FBN2: variants seen among roughly 807,000 people sequenced by gnomAD.
FBN2 encodes fibrillin 2.
A neutral mutation model predicts 355.6 loss-of-function variants in FBN2; 105 were observed. That is an observed-to-expected ratio of 0.30 (90% CI 0.25 to 0.35). The LOEUF (loss-of-function observed/expected upper bound fraction) is 0.35. Among genes scored for constraint, FBN2 ranks in the 10% least tolerant of loss-of-function variants. FBN2 has a pLI of 1.00. For synonymous variants in FBN2, 1,350 were observed against 1,301.2 expected (o/e 1.04, Z -0.81); for missense variants, 3,280 against 3,758.7 (o/e 0.87, Z 3.33).
intron 34 of FBN2, among the ~76,000 whole-genome samples, chr5:128,325,606 G>T (rs1023809822): frequency 1.3e-5 from 2 of 152,090 alleles, no homozygotes; most frequent in Admixed American, 6.5e-5. Flanking sequence ...TTACAATTTA[G>T]GCTTTGTATA....
chr5:128,407,054 T>G (rs2126997804), intron 8 of FBN2, among the ~76,000 whole-genome samples: 1 of 152,318 alleles, frequency 6.6e-6, no homozygotes, highest in South Asian at 2.1e-4. Context: ...ACAGACATCT[T>G]ACTTCTCAAA....
rs781435203 is a variant in FBN2, at chr5:128,291,651, A to G, written c.6170T>C (p.Ile2057Thr). 1.9e-6 allele frequency: 3 copies of G among 1,613,480 alleles called. No individual in the cohort carries two copies. Among genetic ancestry groups the G allele is most frequent in the South Asian group, 2.2e-5 (2 of 91,062 alleles). The change falls in exon 49 of 65, where the codon ATA becomes ACA. Residue 2057 changes from isoleucine to threonine, a missense_variant. By Grantham distance (89) the Ile-to-Thr change is moderately conservative (BLOSUM62 -1). Coordinates refer to ENST00000262464, the MANE Select transcript of FBN2 (RefSeq NM_001999.4). ...YEVKSENCIDINECDEDPNIC... is the reference protein window; with the variant it reads ...YEVKSENCIDTNECDEDPNIC... ...GTTGGGATCTTCATCACATTCATTT[A>G]TATCTGCAGAACAGGGGGAGTATTT...
intron 11 of FBN2, among the ~76,000 whole-genome samples, chr5:128,386,506 C>G (rs150764675): frequency 6.6e-6 from 1 of 151,968 alleles, no homozygotes; most frequent in Non-Finnish European, 1.5e-5. Flanking sequence ...GCTATTCAGG[C>G]CATTTTTTTG....
intron 2 of FBN2, among the ~76,000 whole-genome samples, chr5:128,533,077 T>G (rs1756748630): frequency 6.6e-6 from 1 of 152,206 alleles, no homozygotes; most frequent in South Asian, 2.1e-4. Flanking sequence ...TGTCAAATAC[T>G]GTGATGTTAA....
Position 128,528,370 on chromosome 5 carries a change from C to T in FBN2, c.437-403G>A, listed in dbSNP as rs1029373461. 3.9e-5 allele frequency among the ~76,000 whole-genome samples: 6 copies of T among 152,096 alleles called. No homozygotes were observed. The East Asian group carries it at 5.8e-4, about 15-fold the overall frequency. On this transcript the variant is annotated intron_variant, in intron 3 of 64. Transcript: ENST00000262464. ...GAGCTTGAATTCCGATGGGGAGCTA[C>T]GGAAAACACAGGTAAACAAATACCA...
chr5:128,312,630 T>G lies in FBN2; in HGVS notation c.4879+4A>C. On this transcript the variant is annotated splice_donor_region_variant and intron_variant, in intron 37 of 64. Transcript: ENST00000262464. Reference sequence around the variant, plus strand: ...TTCTTCCTCTTCTTCAGCTTTGTACTTACTGCTATTGACAGGGGGGCATGT... The same window carrying G: ...TTCTTCCTCTTCTTCAGCTTTGTACGTACTGCTATTGACAGGGGGGCATGT... 1 of 1,614,124 alleles carries G rather than the reference T, an allele frequency of 6.2e-7. No individual in the cohort carries two copies. Among genetic ancestry groups the G allele is most frequent in the Non-Finnish European group, 8.5e-7 (1 of 1,180,006 alleles).
At chr5:128,261,958 A>G (rs1189291304) in intron 63 of FBN2, 51 bp from the exon 64 acceptor site, 2 of 1,492,042 alleles carry the variant, frequency 1.3e-6, no homozygotes, top group Middle Eastern at 1.7e-4. Flanking sequence ...ACTTGACCAT[A>G]GTTTTCCAGT....
rs573058862 is a variant in FBN2, at chr5:128,347,236, G to A, written c.2990-1652C>T. On this transcript the variant is annotated intron_variant, in intron 23 of 64. Transcript: ENST00000262464. ...ATTGGAATAAACTAGGGTGAGAGGG[G>A]AAAGGCATCTGAACTATGCATGTAA... Among the ~76,000 whole-genome samples the A allele has an allele frequency of 8.5e-5, 13 of 152,282 alleles. No homozygotes were observed. The South Asian group carries it at 2.7e-3, about 32-fold the overall frequency.
chr5:128,301,587 C>T, intron 46 of FBN2, 77 bp from the exon 47 acceptor site: 2 of 1,386,390 alleles, frequency 1.4e-6, no homozygotes, highest in Non-Finnish European at 2.0e-6. Context: ...TACTTAAAAA[C>T]ATACTTATTG....
chr5:128,350,818 C>CAGGAGAAGTTTCCA, intron 21 of FBN2, 50 bp downstream of exon 21: 2 of 1,607,306 alleles, frequency 1.2e-6, no homozygotes, highest in Non-Finnish European at 1.7e-6. Flanking sequence ...GTCCTAGTGG[C>CAGGAGAAGTTTCCA]AGGAGAAGTT....
rs1751647103 is a variant in FBN2 at position 128,361,821 on chromosome 5, A to C, written c.2456T>G (p.Leu819Arg). ...TCGGCACAATCCGTTATCACAAAGC[A>C]GTCTGTTTACTAAACATTCATCAAT... ...IDIDECLVNR[L>R]LCDNGLCRNT... is the part of the protein sequence containing the mutation. The change falls in exon 19 of 65, where the codon CTG becomes CGG. Residue 819 changes from leucine (L) to arginine (R), a missense_variant. By Grantham distance (102) the Leu-to-Arg change is moderately radical. Around this residue, in one of 6 missense-constraint regions of FBN2, gnomAD observed 2,284 missense variants for 2,749.5 expected, o/e 0.83. Coordinates refer to ENST00000262464, the MANE Select transcript of FBN2 (RefSeq NM_001999.4). 6.2e-7 allele frequency: 1 copy of C among 1,614,040 alleles called. No individual in the cohort carries two copies. Among genetic ancestry groups the C allele is most frequent in the Admixed American group, 1.7e-5 (1 of 60,006 alleles).
In FBN2 at chr5:128,310,414, T is replaced by A. The variant is rs1429861846; in HGVS notation, c.5075-306A>T. 9.7e-4 allele frequency among the ~76,000 whole-genome samples: 125 copies of A among 129,242 alleles called. 4 individuals are homozygous for A. Among genetic ancestry groups the A allele is most frequent in the South Asian group, 2.9e-3 (12 of 4,102 alleles). 84.8% of individuals were successfully genotyped at this position (129,242 alleles called of 152,430 possible). ...TATATATATATATATTTTTTTTTTTTTTTTTTTATTGCAATTCGCATTCTT... is the reference window on the plus strand; with the variant it reads ...TATATATATATATATTTTTTTTTTTATTTTTTTATTGCAATTCGCATTCTT... On this transcript the variant is annotated intron_variant, in intron 39 of 64. Transcript: ENST00000262464.
At chr5:128,379,475 C>A (rs1004613730) in intron 11 of FBN2, among the ~76,000 whole-genome samples, 2 of 151,878 alleles carry the variant, frequency 1.3e-5, no homozygotes, top group African/African-American at 4.8e-5. Flanking sequence ...AACATTTAAA[C>A]AAAGCCTATT....
intron 53 of FBN2, among the ~76,000 whole-genome samples, chr5:128,288,044 T>C (rs1022845489): frequency 6.6e-6 from 1 of 152,230 alleles, no homozygotes; most frequent in African/African-American, 2.4e-5. Context: ...CAGAGTTGAC[T>C]GTCTGCTAAG....
At chr5:128,449,904 T>G (rs1178931556) in intron 6 of FBN2, among the ~76,000 whole-genome samples, 2 of 152,110 alleles carry the variant, frequency 1.3e-5, no homozygotes, top group East Asian at 1.9e-4. Flanking sequence ...TAAGTAGTAC[T>G]CATCACGACA....
intron 7 of FBN2, among the ~76,000 whole-genome samples, chr5:128,423,335 T>C (rs1278151962): frequency 6.6e-6 from 1 of 152,140 alleles, no homozygotes; most frequent in African/African-American, 2.4e-5. Flanking sequence ...CAGTTCCACA[T>C]GGCTGGGGAG....
At chr5:128,378,240 T>C (rs1246687494) in intron 12 of FBN2, among the ~76,000 whole-genome samples, 1 of 151,960 alleles carries the variant, frequency 6.6e-6, no homozygotes, top group East Asian at 1.9e-4. Flanking sequence ...AGATTAAGAG[T>C]AACACAATGA....
chr5:128,443,756 A>G (rs1315905568), intron 7 of FBN2, among the ~76,000 whole-genome samples: 1 of 152,264 alleles, frequency 6.6e-6, no homozygotes, highest in Non-Finnish European at 1.5e-5. Context: ...CTGTAAAAAC[A>G]GGAAGAACAT....
intron 10 of FBN2, among the ~76,000 whole-genome samples, chr5:128,392,655 GAT>G (rs753548663): frequency 2.6e-5 from 4 of 152,206 alleles, no homozygotes. Context: ...GGAAAGGAAA[GAT>G]ATGTACGTTA....
Sources: allele counts gnomAD v4.1 joint callset (sites outside exome capture counted in the v4.1 genomes callset), GRCh38; gene constraint gnomAD v4.1.1; regional missense constraint gnomAD v4.1.1; transcripts MANE v1.5; gene names NCBI Gene and HGNC (gene_info 2026-07-23, HGNC 2026-07-21).